Variants in CTIF observed in about 807,000 individuals in gnomAD.
CTIF encodes CBP80/20-dependent translation initiation factor.
In CTIF, 21 loss-of-function variants were observed where a neutral mutation model predicts 66.0. The observed-to-expected ratio is 0.32, with a 90% CI of 0.23 to 0.46. The LOEUF (loss-of-function observed/expected upper bound fraction) is 0.46. Ranked by LOEUF, CTIF falls within the 20% of genes least tolerant of loss-of-function variation. The probability of loss-of-function intolerance (pLI) is 1.00; values close to 1 mark genes in which losing one functional copy is unlikely to be tolerated. For synonymous variants in CTIF, 345 were observed against 326.4 expected, an observed-to-expected ratio of 1.06 and a Z score of -0.62; for missense variants, 739 against 812.7, an observed-to-expected ratio of 0.91 and a Z score of 1.10.
intron 8 of CTIF, chr18:48,760,871 C>A (rs1908920442): frequency 1.3e-5 from 2 of 154,084 alleles, no homozygotes; most frequent in South Asian, 4.1e-4. Context: ...CCACAGGGGG[C>A]CCTATGCCCA....
chr18:48,593,720 T>C (rs1418295946), intron 1 of CTIF, among the ~76,000 whole-genome samples: 3 of 151,088 alleles, frequency 2.0e-5, no homozygotes, highest in Admixed American at 6.6e-5. Flanking sequence ...GACTTTTATG[T>C]TCTTAAACTC....
chr18:48,640,026 G>C (rs1250186410), intron 3 of CTIF, among the ~76,000 whole-genome samples: 1 of 152,224 alleles, frequency 6.6e-6, no homozygotes, highest in Non-Finnish European at 1.5e-5. Flanking sequence ...TGTCACCCCT[G>C]TCATGCAGGG....
intron 3 of CTIF, among the ~76,000 whole-genome samples, chr18:48,638,226 C>T (rs1399186083): frequency 6.6e-6 from 1 of 152,186 alleles, no homozygotes; most frequent in African/African-American, 2.4e-5. Context: ...CAATGGTGAA[C>T]TTGGATTTGG....
At chr18:48,857,422 T>C (rs188274959) in intron 10 of CTIF, among the ~76,000 whole-genome samples, 166 bp from the exon 11 acceptor site, 1 of 152,358 alleles carries the variant, frequency 6.6e-6, no homozygotes, top group East Asian at 1.9e-4. Context: ...ACTGACTTTC[T>C]GCTCTCTGAC....
chr18:48,768,891 G>A (rs1244871001), intron 9 of CTIF, among the ~76,000 whole-genome samples: 3 of 152,182 alleles, frequency 2.0e-5, no homozygotes, highest in African/African-American at 7.2e-5. Context: ...GCGACAGAGT[G>A]AGACTCTAAA....
In CTIF at chr18:48,543,658, C is replaced by T. The variant is rs138815978; in HGVS notation, c.-29+4346C>T. Among the ~76,000 whole-genome samples, 105 of 152,224 alleles carry T rather than the reference C, an allele frequency of 6.9e-4. 5 individuals carry two copies. In the South Asian group the frequency reaches 0.02, roughly 28 times the overall value. On this transcript the variant is annotated intron_variant, in intron 1 of 11. Transcript: ENST00000256413. ...GACTTTGAAGATGATCTGATCTTCA[C>T]GTGAAGACCTGAAGCCTAGGGAAGT...
At chr18:48,774,475 T>C (rs1379635828) in intron 9 of CTIF, among the ~76,000 whole-genome samples, 1 of 151,918 alleles carries the variant, frequency 6.6e-6, no homozygotes, top group Non-Finnish European at 1.5e-5. Context: ...GCGGCCTCTT[T>C]GGGGGGGACA....
intron 6 of CTIF, among the ~76,000 whole-genome samples, chr18:48,684,179 G>A (rs2091796467): frequency 6.6e-6 from 1 of 152,186 alleles, no homozygotes; most frequent in South Asian, 2.1e-4. Context: ...ATTCAGAAAA[G>A]GGAAAATGTA....
chr18:48,583,715 A>C (rs2089710186), intron 1 of CTIF, among the ~76,000 whole-genome samples: 1 of 152,192 alleles, frequency 6.6e-6, no homozygotes, highest in Non-Finnish European at 1.5e-5. Context: ...AGGAGGTGCC[A>C]ACAACTGGGC....
intron 1 of CTIF, among the ~76,000 whole-genome samples, chr18:48,561,968 T>C (rs1242354142): frequency 6.6e-6 from 1 of 152,228 alleles, no homozygotes; most frequent in Admixed American, 6.5e-5. Context: ...TTCACGTACA[T>C]CTACGGTTGC....
chr18:48,699,235 C>T (rs2092049191), intron 6 of CTIF, among the ~76,000 whole-genome samples: 1 of 152,214 alleles, frequency 6.6e-6, no homozygotes, highest in Non-Finnish European at 1.5e-5. Flanking sequence ...CTTTGAGTAA[C>T]ATTCTGCCCT....
intron 10 of CTIF, among the ~76,000 whole-genome samples, chr18:48,848,976 C>G (rs533689216): frequency 6.6e-6 from 1 of 152,192 alleles, no homozygotes; most frequent in Non-Finnish European, 1.5e-5. Flanking sequence ...TTTTGCCGTT[C>G]GAGGGCACGG....
At chr18:48,832,579 TCTC>T (rs2068716747) in intron 10 of CTIF, among the ~76,000 whole-genome samples, 1 of 152,130 alleles carries the variant, frequency 6.6e-6, no homozygotes, top group Non-Finnish European at 1.5e-5. Flanking sequence ...GCTGCCACCC[TCTC>T]CTCACAGCAG....
chr18:48,638,633 G>A (rs1042012332), intron 3 of CTIF, among the ~76,000 whole-genome samples: 4 of 152,190 alleles, frequency 2.6e-5, no homozygotes, highest in African/African-American at 9.7e-5. Flanking sequence ...GGTTAGGTAT[G>A]GGCTTGTCCC....
At chr18:48,580,075 A>T (rs537088358) in intron 1 of CTIF, among the ~76,000 whole-genome samples, 1 of 152,344 alleles carries the variant, frequency 6.6e-6, no homozygotes, top group African/African-American at 2.4e-5. Flanking sequence ...ACTGAGAAAT[A>T]AAAGAGCTGG....
chr18:48,745,164 C>T (rs2092586149), intron 7 of CTIF, among the ~76,000 whole-genome samples: 1 of 152,200 alleles, frequency 6.6e-6, no homozygotes, highest in African/African-American at 2.4e-5. Flanking sequence ...ATGACATTGG[C>T]CTTTTTTTAA....
chr18:48,780,126 C>A (rs142544109), intron 9 of CTIF, among the ~76,000 whole-genome samples: 1 of 152,042 alleles, frequency 6.6e-6, no homozygotes, highest in African/African-American at 2.4e-5. Flanking sequence ...CCTTACAGAT[C>A]ACTAAGTGTA....
intron 9 of CTIF, among the ~76,000 whole-genome samples, chr18:48,803,514 A>G (rs2068086146): frequency 6.6e-6 from 1 of 152,170 alleles, no homozygotes; most frequent in Non-Finnish European, 1.5e-5. Flanking sequence ...TGCTCAGGAG[A>G]GTGTCAGGCA....
chr18:48,714,556 T>A (rs1439228650), intron 7 of CTIF, among the ~76,000 whole-genome samples: 1 of 152,182 alleles, frequency 6.6e-6, no homozygotes, highest in Non-Finnish European at 1.5e-5. Flanking sequence ...GAGCATGCAA[T>A]TTCCCACAGC....
Sources: allele counts gnomAD v4.1 joint callset (sites outside exome capture counted in the v4.1 genomes callset), GRCh38; gene constraint gnomAD v4.1.1; transcripts MANE v1.5; gene names NCBI Gene and HGNC (gene_info 2026-07-23, HGNC 2026-07-21).